Variants in HTT observed in about 807,000 individuals in gnomAD.
The protein encoded by HTT is huntington disease protein.
HTT carries 104 observed loss-of-function variants against 362.3 expected under a neutral mutation model. That is an observed-to-expected ratio of 0.29 (90% CI 0.24 to 0.34). The LOEUF (loss-of-function observed/expected upper bound fraction) is 0.34, where lower values mean the gene tolerates loss of function less well. Among genes scored for constraint, HTT ranks in the 10% least tolerant of loss-of-function variants. The pLI, the probability that HTT is intolerant of heterozygous loss-of-function variation, is 1.00. For missense variants in HTT, 3,301 were observed against 3,928.6 expected, an observed-to-expected ratio of 0.84 and a Z score of 4.27; for synonymous variants, 1,577 against 1,548.7, an observed-to-expected ratio of 1.02 and a Z score of -0.43.
rs1394786884 is a variant in HTT at position 3,225,459 on chromosome 4, C to T, written c.7766-202C>T. Among the ~76,000 whole-genome samples the T allele has an allele frequency of 4.6e-5, 7 of 152,254 alleles. No individual in the cohort carries two copies. The South Asian group carries it at 1.0e-3, about 22-fold the overall frequency. On this transcript the variant is annotated intron_variant, in intron 56 of 66. Transcript: ENST00000355072. ...TGACAGAGTCCAGCTTGCCCACTGG[C>T]CCTGCCAGCTTAACTGGTTATAAAG...
At chr4:3,174,849 G>A in intron 32 of HTT, 50 bp downstream of exon 32, 1 of 1,578,036 alleles carries the variant, frequency 6.3e-7, no homozygotes, top group South Asian at 1.1e-5. Flanking sequence ...CAGTGCTAGA[G>A]AGGAAACTGG....
Position 3,239,986 on chromosome 4 carries a change from T to C in HTT, c.9356T>C (p.Val3119Ala). Residue 3119 changes from valine (V) to alanine (A), a missense_variant, in exon 67 of 67, where the codon GTT becomes GCT. Physicochemically the swap from Val to Ala is moderately conservative, Grantham distance 64. Around this residue, in one of 4 missense-constraint regions of HTT, gnomAD observed 753 missense variants for 1,021.3 expected, o/e 0.74. Coordinates refer to ENST00000355072, the MANE Select transcript of HTT (RefSeq NM_001388492.1). ...RRAFQSVLEV[V>A]AAPGSPYHRL... ...GCCTTCCAGTCTGTGCTTGAGGTGG[T>C]TGCAGCCCCAGGAAGCCCATATCAC... is the stretch of plus-strand genomic sequence containing the variant. 2 of 1,601,070 alleles carry C rather than the reference T, an allele frequency of 1.2e-6. No individual in the cohort carries two copies. Among genetic ancestry groups the C allele is most frequent in the Non-Finnish European group, 1.7e-6 (2 of 1,173,478 alleles).
chr4:3,099,548 G>A (rs1272689227), intron 3 of HTT, among the ~76,000 whole-genome samples, 154 bp downstream of exon 3: 1 of 151,176 alleles, frequency 6.6e-6, no homozygotes, highest in Non-Finnish European at 1.5e-5. Flanking sequence ...CTGTTGTATG[G>A]TTTGGAGGTG....
chr4:3,151,810 A>G (rs948071198), intron 26 of HTT, among the ~76,000 whole-genome samples: 3 of 152,248 alleles, frequency 2.0e-5, no homozygotes, highest in Non-Finnish European at 4.4e-5. Flanking sequence ...ACATGGACAC[A>G]TAATACATGT....
chr4:3,239,441 C>T (rs1167760606), intron 66 of HTT, among the ~76,000 whole-genome samples: 2 of 152,216 alleles, frequency 1.3e-5, no homozygotes, highest in Non-Finnish European at 2.9e-5. Context: ...CACAGCCCTT[C>T]CCCAAGACAG....
At chr4:3,183,497 G>A (rs999018146) in intron 37 of HTT, among the ~76,000 whole-genome samples, 4 of 152,200 alleles carry the variant, frequency 2.6e-5, no homozygotes, top group African/African-American at 4.8e-5. Context: ...TGTATAGTAC[G>A]AGTAGTCCGT....
At chr4:3,140,855 A>G (rs550805472) in intron 22 of HTT, among the ~76,000 whole-genome samples, 199 bp downstream of exon 22, 1 of 152,338 alleles carries the variant, frequency 6.6e-6, no homozygotes, top group Non-Finnish European at 1.5e-5. Flanking sequence ...CTCTGCCACA[A>G]TCACTCAGCT....
chr4:3,207,872 T>G (rs1719941386), intron 45 of HTT, among the ~76,000 whole-genome samples: 1 of 151,860 alleles, frequency 6.6e-6, no homozygotes, highest in Non-Finnish European at 1.5e-5. Context: ...ATCTCCTATG[T>G]GAGTGTATTT....
chr4:3,127,577 T>C lies in HTT; in HGVS notation c.1716T>C (p.Ala572=). The change falls in exon 12 of 67, where the codon GCT becomes GCC. Residue 572 remains alanine (A), a synonymous_variant. Coordinates refer to ENST00000355072, the MANE Select transcript of HTT (RefSeq NM_001388492.1). ...SQTTTEGPDS[A]VTPSDSSEIV... ...CCACCACCGAAGGGCCTGATTCAGC[T>C]GTTACCCCTTCAGACAGTTCTGAAA... 6.2e-7 allele frequency: 1 copy of C among 1,613,592 alleles called. No homozygotes were observed. Among genetic ancestry groups the C allele is most frequent in the South Asian group, 1.1e-5 (1 of 91,072 alleles).
intron 6 of HTT, among the ~76,000 whole-genome samples, chr4:3,114,429 G>A (rs1714921136): frequency 6.6e-6 from 1 of 152,252 alleles, no homozygotes; most frequent in Non-Finnish European, 1.5e-5. Flanking sequence ...TAAATTCCCT[G>A]GGAGGCGATA....
At chr4:3,224,477 A>C (rs1224557576) in intron 56 of HTT, among the ~76,000 whole-genome samples, 1 of 152,210 alleles carries the variant, frequency 6.6e-6, no homozygotes, top group Non-Finnish European at 1.5e-5. Context: ...AGCTTTTCCT[A>C]AGAAACCATG....
chr4:3,151,019 A>G (rs890202586), intron 26 of HTT, among the ~76,000 whole-genome samples: 4 of 151,768 alleles, frequency 2.6e-5, no homozygotes, highest in Non-Finnish European at 4.4e-5. Flanking sequence ...AGCCTGGGCG[A>G]CAGAGCGAGA....
At chr4:3,215,007 A>G (rs1720330275) in intron 50 of HTT, 103 bp from the exon 51 acceptor site, 5 of 887,516 alleles carry the variant, frequency 5.6e-6, no homozygotes, top group Non-Finnish European at 3.6e-6. Context: ...TAGTCTGTCT[A>G]TCCCTTTCAA....
chr4:3,180,591 G>T lies in HTT; in HGVS notation c.4689G>T (p.Glu1563Asp). The T allele has an allele frequency of 6.2e-7, 1 of 1,613,606 alleles. No homozygotes were observed. The highest frequency in any genetic ancestry group is 2.2e-5 in the East Asian group (1 of 44,854). Residue 1563 changes from glutamate to aspartate, a missense_variant, in exon 36 of 67, where the codon GAG becomes GAT. Glu to Asp is a conservative substitution (Grantham distance 45). Transcript: ENST00000355072. ...RGTNKADAGKELETQKEVVVS... is the reference protein window; with the variant it reads ...RGTNKADAGKDLETQKEVVVS... ...CAAATAAAGCTGATGCAGGAAAAGA[G>T]CTTGAAACCCAAAAAGAGGTGGTGG...
chr4:3,096,127 G>GGATGAT (rs1371240502), intron 2 of HTT, among the ~76,000 whole-genome samples: 1 of 152,240 alleles, frequency 6.6e-6, no homozygotes, highest in African/African-American at 2.4e-5. Context: ...CTCTTGCCCA[G>GGATGAT]GATGAGATGG....
chr4:3,127,203 G>C (rs1466181773), intron 11 of HTT, 61 bp from the exon 12 acceptor site: 1 of 1,256,870 alleles, frequency 8.0e-7, no homozygotes, highest in African/African-American at 1.5e-5. Context: ...TTGCAAGCCT[G>C]TGATTCCCTA....
intron 50 of HTT, 147 bp from the exon 51 acceptor site, chr4:3,214,963 T>C (rs960637560): frequency 4.0e-5 from 25 of 629,914 alleles, no homozygotes; most frequent in Non-Finnish European, 7.0e-5. Context: ...TAGTATTGTC[T>C]GTTTGTCTAA....
intron 30 of HTT, 107 bp downstream of exon 30, chr4:3,172,504 T>C (rs1718037844): frequency 4.9e-6 from 4 of 819,692 alleles, no homozygotes; most frequent in Non-Finnish European, 8.6e-6. Flanking sequence ...GCTGGGAGGA[T>C]TGTGGGGTCC....
intron 1 of HTT, among the ~76,000 whole-genome samples, chr4:3,081,236 T>C (rs890641977): frequency 6.6e-6 from 1 of 152,180 alleles, no homozygotes; most frequent in African/African-American, 2.4e-5. Context: ...TTTGTGTAAA[T>C]GGTCAGATTG....
Sources: allele counts gnomAD v4.1 joint callset (sites outside exome capture counted in the v4.1 genomes callset), GRCh38; gene constraint gnomAD v4.1.1; regional missense constraint gnomAD v4.1.1; transcripts MANE v1.5; gene names NCBI Gene and HGNC (gene_info 2026-07-23, HGNC 2026-07-21).